The following CDH13 variants were observed in gnomAD, a reference collection of about 807,000 sequenced individuals.
The protein encoded by CDH13 is cadherin-13.
In CDH13, 24 loss-of-function variants were observed where a neutral mutation model predicts 63.8. The observed-to-expected ratio is 0.38, with a 90% CI of 0.27 to 0.53. CDH13 has a LOEUF of 0.53. CDH13 is among the 20% of genes least tolerant of loss of function. The pLI is 0.85. For synonymous variants in CDH13, 503 were observed against 355.3 expected (o/e 1.42, Z -4.67); for missense variants, 1,049 against 903.1 (o/e 1.16, Z -2.07).
chr16:83,115,966 G>C (rs562623580), intron 3 of CDH13, among the ~76,000 whole-genome samples: 4 of 152,290 alleles, frequency 2.6e-5, no homozygotes, highest in South Asian at 2.1e-4. Context: ...GGCCAGCCCG[G>C]GTCAAGCTGC....
At chr16:83,134,720 TG>T (rs142956781) in intron 4 of CDH13, among the ~76,000 whole-genome samples, 3,861 of 152,306 alleles carry the variant, frequency 0.025, 120 homozygotes, top group African/African-American at 0.086. Context: ...AACTTATTTT[TG>T]CTAAGTCTAA....
intron 2 of CDH13, among the ~76,000 whole-genome samples, chr16:82,861,687 T>A (rs1188869696): frequency 6.6e-6 from 1 of 152,262 alleles, no homozygotes; most frequent in Non-Finnish European, 1.5e-5. Flanking sequence ...GATACATCTT[T>A]CTCTCAGTTG....
chr16:83,160,862 C>T (rs2037416124), intron 4 of CDH13, among the ~76,000 whole-genome samples: 1 of 152,160 alleles, frequency 6.6e-6, no homozygotes, highest in Admixed American at 6.5e-5. Flanking sequence ...AAACAGTTTC[C>T]ACACAAGTGT....
intron 6 of CDH13, among the ~76,000 whole-genome samples, chr16:83,385,860 C>T (rs1405922658): frequency 6.6e-6 from 1 of 152,140 alleles, no homozygotes; most frequent in Non-Finnish European, 1.5e-5. Flanking sequence ...AACTGACAGG[C>T]CAATGTACTG....
chr16:83,525,889 G>A (rs560202036), intron 7 of CDH13, among the ~76,000 whole-genome samples: 111 of 152,274 alleles, frequency 7.3e-4, no homozygotes, highest in Non-Finnish European at 1.3e-3. Context: ...AGACAGAGGA[G>A]GGGCCACAAA....
At chr16:82,858,157 G>C (rs905003634) in intron 1 of CDH13, among the ~76,000 whole-genome samples, 3 of 152,162 alleles carry the variant, frequency 2.0e-5, no homozygotes, top group African/African-American at 7.2e-5. Context: ...AATGGAAACT[G>C]CAGCAGCTGT....
intron 1 of CDH13, among the ~76,000 whole-genome samples, chr16:82,633,676 C>T (rs1469768485): frequency 6.6e-6 from 1 of 152,182 alleles, no homozygotes; most frequent in Admixed American, 6.5e-5. Context: ...CTGCGCCTGG[C>T]CAAGTACCCT....
At chr16:83,525,116 C>G (rs2074930393) in intron 7 of CDH13, among the ~76,000 whole-genome samples, 1 of 152,164 alleles carries the variant, frequency 6.6e-6, no homozygotes, top group African/African-American at 2.4e-5. Flanking sequence ...CTCCCGGTGT[C>G]CTTATAGCAA....
chr16:83,777,760 C>A (rs563340265), intron 11 of CDH13, among the ~76,000 whole-genome samples: 2 of 152,324 alleles, frequency 1.3e-5, no homozygotes, highest in South Asian at 2.1e-4. Context: ...ACCCTTCTAA[C>A]CCCCGTGTAA....
At chr16:83,599,264 C>T (rs180976589) in intron 7 of CDH13, among the ~76,000 whole-genome samples, 23 of 152,324 alleles carry the variant, frequency 1.5e-4, no homozygotes, top group Admixed American at 1.4e-3. Flanking sequence ...ACTTTATCTC[C>T]TTCTTATGCC....
At chr16:82,662,493 T>C (rs1189277357) in intron 1 of CDH13, among the ~76,000 whole-genome samples, 2 of 152,228 alleles carry the variant, frequency 1.3e-5, no homozygotes, top group Non-Finnish European at 2.9e-5. Context: ...CTTTAGAGAC[T>C]GGTTAATGGT....
At chr16:83,590,440 T>TC (rs1370299125) in intron 7 of CDH13, among the ~76,000 whole-genome samples, 10 of 152,012 alleles carry the variant, frequency 6.6e-5, no homozygotes, top group African/African-American at 2.4e-4. Flanking sequence ...CTGGAGATGA[T>TC]CCCTCCGGGA....
At chr16:82,872,160 A>G (rs1177311185) in intron 2 of CDH13, among the ~76,000 whole-genome samples, 1 of 152,210 alleles carries the variant, frequency 6.6e-6, no homozygotes, top group Non-Finnish European at 1.5e-5. Context: ...ATGACCGCAG[A>G]CTGTGCCCCA....
intron 2 of CDH13, among the ~76,000 whole-genome samples, chr16:82,959,853 C>G (rs757112274): frequency 5.3e-5 from 8 of 152,100 alleles, no homozygotes; most frequent in African/African-American, 1.9e-4. Flanking sequence ...TTTATGAGTA[C>G]GGCAGCTATG....
At chr16:83,524,563 C>T (rs371825729) in intron 7 of CDH13, among the ~76,000 whole-genome samples, 6 of 148,492 alleles carry the variant, frequency 4.0e-5, no homozygotes, top group African/African-American at 1.5e-4. Context: ...CGCCATTCTC[C>T]TGCCTCAGCC....
At chr16:82,691,989 G>C (rs1281510816) in intron 1 of CDH13, among the ~76,000 whole-genome samples, 2 of 152,158 alleles carry the variant, frequency 1.3e-5, no homozygotes, top group Non-Finnish European at 2.9e-5. Context: ...CTCATGTAAA[G>C]CATGTCTATC....
At chr16:82,883,540 C>G (rs2040779240) in intron 2 of CDH13, among the ~76,000 whole-genome samples, 1 of 152,212 alleles carries the variant, frequency 6.6e-6, no homozygotes, top group South Asian at 2.1e-4. Flanking sequence ...GAGGATTACA[C>G]TGAAATAGCA....
chr16:82,819,262 G>A (rs2037880017), intron 1 of CDH13, among the ~76,000 whole-genome samples: 1 of 152,172 alleles, frequency 6.6e-6, no homozygotes, highest in Admixed American at 6.5e-5. Context: ...AGCCTGCTAA[G>A]CATGAAGGCA....
At chr16:83,523,769 A>G (rs1009357462) in intron 7 of CDH13, among the ~76,000 whole-genome samples, 3 of 152,226 alleles carry the variant, frequency 2.0e-5, no homozygotes, top group African/African-American at 7.2e-5. Flanking sequence ...GGTTGCAAGG[A>G]CAACATTGAA....
Sources: gnomAD v4.1 joint callset for allele counts (sites outside exome capture counted in the v4.1 genomes callset) on GRCh38, gnomAD v4.1.1 for gene constraint, MANE v1.5 for transcripts, NCBI Gene and HGNC (gene_info 2026-07-23, HGNC 2026-07-21) for gene names.